The following RGS3 variants were observed in gnomAD, a reference collection of about 807,000 sequenced individuals.
RGS3 encodes the protein regulator of G protein signaling 3, also known as regulator of G-protein signalling 3.
In RGS3, 80 loss-of-function variants were observed where a neutral mutation model predicts 132.6. The ratio of observed to expected loss-of-function variants is 0.60; its 90% confidence interval spans 0.50 to 0.73. The LOEUF (loss-of-function observed/expected upper bound fraction) is 0.73. RGS3 is among the 30% of genes least tolerant of loss of function. The pLI is 0.00. For synonymous variants in RGS3, 598 were observed against 620.6 expected (o/e 0.96, Z 0.54); for missense variants, 1,382 against 1,530.8 (o/e 0.90, Z 1.62).
chr9:113,569,092 C>T (rs1033239717), intron 19 of RGS3, among the ~76,000 whole-genome samples: 3 of 152,354 alleles, frequency 2.0e-5, no homozygotes, highest in Middle Eastern at 3.4e-3. Context: ...TGGGCCAGCC[C>T]GCTTGCACCT....
At chr9:113,568,610 G>A (rs186645580) in intron 19 of RGS3, among the ~76,000 whole-genome samples, 28 of 152,352 alleles carry the variant, frequency 1.8e-4, no homozygotes, top group East Asian at 9.6e-4. Flanking sequence ...TTCCCCAGGC[G>A]CCTCTGGGCA....
At position 113,523,054 on chromosome 9, in the gene RGS3, CG is replaced by C; in HGVS notation, c.1870+14del. The C allele has an allele frequency of 6.5e-7, 1 of 1,547,788 alleles. No homozygotes were observed. Among genetic ancestry groups the C allele is most frequent in the Non-Finnish European group, 8.9e-7 (1 of 1,119,812 alleles). ...AAGCTGCAGGAAGGTAAGCAGATGC[CG>C]TAGGTGCCCAGAGCCCCTCTCAACT... is the stretch of plus-strand genomic sequence containing the variant. On this transcript the variant is annotated intron_variant, in intron 17 of 24. Coordinates refer to ENST00000350696, the Ensembl canonical transcript of RGS3.
intron 1 of RGS3, among the ~76,000 whole-genome samples, chr9:113,447,341 A>ATG (rs1462494981): frequency 1.0e-5 from 1 of 99,616 alleles, no homozygotes; most frequent in African/African-American, 3.4e-5. Context: ...ATATATATAT[A>ATG]TATATATATA....
intron 16 of RGS3, among the ~76,000 whole-genome samples, chr9:113,518,312 T>C (rs1412016555): frequency 6.6e-6 from 1 of 152,150 alleles, no homozygotes. Context: ...CAGGCCCCAA[T>C]GTAGAGCTGC....
At chr9:113,522,856 C>T in intron 16 of RGS3, 74 bp from the exon 15 acceptor site, 2 of 944,302 alleles carry the variant, frequency 2.1e-6, no homozygotes, top group Non-Finnish European at 1.8e-6. Flanking sequence ...TCCCCACCTT[C>T]TCGGGGAGGT....
At chr9:113,551,625 C>T (rs568061394) in intron 19 of RGS3, among the ~76,000 whole-genome samples, 3 of 152,078 alleles carry the variant, frequency 2.0e-5, no homozygotes, top group Non-Finnish European at 4.4e-5. Flanking sequence ...TGAGGTGGGC[C>T]GATTGCTTGA....
intron 17 of RGS3, among the ~76,000 whole-genome samples, chr9:113,526,448 G>C (rs1042209260): frequency 2.6e-5 from 4 of 152,174 alleles, no homozygotes; most frequent in African/African-American, 7.2e-5. Context: ...AGTGTGACAT[G>C]GTGGTCAGGA....
At chr9:113,575,680 C>CA (rs1436874413) in intron 19 of RGS3, among the ~76,000 whole-genome samples, 3 of 152,188 alleles carry the variant, frequency 2.0e-5, no homozygotes, top group Non-Finnish European at 4.4e-5. Context: ...CCTCACGTAA[C>CA]AGACAGTCAC....
intron 19 of RGS3, chr9:113,582,245 A>G (rs1360211241): frequency 8.2e-6 from 8 of 977,010 alleles, no homozygotes; most frequent in Non-Finnish European, 9.7e-6. Flanking sequence ...AATAGTGGGT[A>G]AGTCACCGGC....
intron 19 of RGS3, among the ~76,000 whole-genome samples, chr9:113,561,587 T>C (rs1010377299): frequency 9.1e-6 from 1 of 109,464 alleles, no homozygotes. Context: ...TAATTTTTAA[T>C]TTTTTTTTTT....
chr9:113,508,555 G>A, exon 14 of RGS3: 1 of 1,612,638 alleles, frequency 6.2e-7, no homozygotes, highest in Non-Finnish European at 8.5e-7. Context: ...TCCGGCCTGT[G>A]TACCAGGAGG....
At chr9:113,583,252 G>A in intron 19 of RGS3, 198 bp from the exon 18 acceptor site, 1 of 955,346 alleles carries the variant, frequency 1.0e-6, no homozygotes, top group Non-Finnish European at 1.5e-6. Context: ...GGAGCAGAAA[G>A]TTCAAGCAAG....
intron 3 of RGS3, among the ~76,000 whole-genome samples, chr9:113,478,236 T>A (rs938646804): frequency 6.6e-6 from 1 of 152,138 alleles, no homozygotes; most frequent in Non-Finnish European, 1.5e-5. Flanking sequence ...TCCTCCCTGC[T>A]CTTTCTCTTC....
rs117160449 is a variant in RGS3, at chr9:113,506,770, C to T, written c.1085+277C>T. On this transcript the variant is annotated intron_variant, in intron 12 of 24. Transcript: ENST00000350696. The surrounding 1 kb of genome is among the most constrained non-coding windows in gnomAD (Gnocchi z 4.7). ...ACCAGGAGGTTGCTTTCTGCTTTAG[C>T]TAATTTTTGTTACCTAAGAGCTAAG... Among the ~76,000 whole-genome samples, 95 of 152,300 alleles carry T rather than the reference C, an allele frequency of 6.2e-4. No homozygotes were observed. In the East Asian group the frequency reaches 0.017, roughly 27 times the overall value.
intron 9 of RGS3, among the ~76,000 whole-genome samples, chr9:113,497,718 C>T (rs933300053): frequency 1.8e-4 from 28 of 152,172 alleles, no homozygotes; most frequent in Non-Finnish European, 4.0e-4. Context: ...TCTCAGGGAT[C>T]CCCCAGGCTG....
At chr9:113,470,422 A>G (rs1232818110) in intron 3 of RGS3, among the ~76,000 whole-genome samples, 1 of 152,158 alleles carries the variant, frequency 6.6e-6, no homozygotes, top group Non-Finnish European at 1.5e-5. Context: ...ACATATGTTG[A>G]AGCTATGTTA....
chr9:113,583,726 C>G, exon 20 of RGS3: 4 of 1,614,096 alleles, frequency 2.5e-6, no homozygotes, highest in Non-Finnish European at 3.4e-6. Flanking sequence ...GGAACCCCCT[C>G]CAGCCCAAGA....
At chr9:113,501,092 C>G (rs1012835978) in intron 10 of RGS3, among the ~76,000 whole-genome samples, 30 of 152,144 alleles carry the variant, frequency 2.0e-4, no homozygotes, top group African/African-American at 6.8e-4. Flanking sequence ...TGCAAACCCC[C>G]CCAAGGTATC....
chr9:113,495,617 A>G (rs1378213460), intron 7 of RGS3, among the ~76,000 whole-genome samples, 169 bp from the exon 6 acceptor site: 1 of 152,202 alleles, frequency 6.6e-6, no homozygotes, highest in East Asian at 1.9e-4. Flanking sequence ...TGGAGATAAT[A>G]GCTCCTCTCT....
Sources: allele counts gnomAD v4.1 joint callset (sites outside exome capture counted in the v4.1 genomes callset), GRCh38; gene constraint gnomAD v4.1.1; non-coding constraint Gnocchi (gnomAD v3.1); transcripts MANE v1.5; gene names NCBI Gene and HGNC (gene_info 2026-07-23, HGNC 2026-07-21).